MLXIPL: variants seen among roughly 807,000 people sequenced by gnomAD.
The protein encoded by MLXIPL is carbohydrate-responsive element-binding protein.
A neutral mutation model predicts 81.5 loss-of-function variants in MLXIPL; 49 were observed. That is an observed-to-expected ratio of 0.60 (90% CI 0.48 to 0.76). MLXIPL has a LOEUF of 0.76. Among genes scored for constraint, MLXIPL ranks in the 30% least tolerant of loss-of-function variants. The pLI, the probability that MLXIPL is intolerant of heterozygous loss-of-function variation, is 0.00. For missense variants in MLXIPL, 1,053 were observed against 1,167.0 expected (o/e 0.90, Z 1.42); for synonymous variants, 466 against 485.5 (o/e 0.96, Z 0.53).
the MLXIPL span, among the ~76,000 whole-genome samples, chr7:73,643,885 G>A: frequency 3.9e-5 from 6 of 152,030 alleles, no homozygotes; most frequent in South Asian, 2.1e-4. Context: ...TCCCGCCTCA[G>A]CCTCCCAAGT....
At position 73,597,296 on chromosome 7, in the gene MLXIPL, C is replaced by A; in HGVS notation, c.1489G>T (p.Ala497Ser). 1 of 1,472,450 alleles carries A rather than the reference C, an allele frequency of 6.8e-7. No individual in the cohort carries two copies. Among genetic ancestry groups the A allele is most frequent in the Non-Finnish European group, 9.1e-7 (1 of 1,102,374 alleles). 91.2% of individuals were successfully genotyped at this position (1,472,450 alleles called of 1,614,324 possible). Reference sequence around the variant, plus strand: ...GCTTTCTGTCCCCTAGGGGATGGGGCGGGGGGCTTGCCTCTGGGCATGGAG... The same window carrying A: ...GCTTTCTGTCCCCTAGGGGATGGGGAGGGGGGCTTGCCTCTGGGCATGGAG... ...CFSMPRGKPP[A>S]PSPRGQKASP... The change falls in exon 9 of 17, where the codon GCC (alanine) becomes TCC (serine). Residue 497 changes from alanine to serine, a missense_variant. Coordinates refer to ENST00000313375, the MANE Select transcript of MLXIPL (RefSeq NM_032951.3).
chr7:73,601,002 C>T (rs527832189), intron 7 of MLXIPL, among the ~76,000 whole-genome samples: 9 of 151,984 alleles, frequency 5.9e-5, no homozygotes, highest in Admixed American at 2.0e-4. Context: ...TGGGCAGTTC[C>T]GACCCCACCG....
the MLXIPL span, among the ~76,000 whole-genome samples, chr7:73,641,484 T>G: frequency 6.6e-6 from 1 of 152,084 alleles, no homozygotes; most frequent in Non-Finnish European, 1.5e-5. Flanking sequence ...GGAGGTGGTG[T>G]TTCACCAAGA....
rs180767424 is a variant in MLXIPL at position 73,611,864 on chromosome 7, T to A, written c.401-4192A>T. ...AAGCATTCTCCAAAATGGACACTGA[T>A]AGGATTGAAGGAGGGGTTTTGTCCT... On this transcript the variant is annotated intron_variant, in intron 2 of 16. Transcript: ENST00000313375. 1.4e-3 allele frequency among the ~76,000 whole-genome samples: 213 copies of A among 151,120 alleles called. 3 individuals carry two copies. The highest frequency in any genetic ancestry group is 2.6e-3 in the Admixed American group (39 of 15,156).
At position 73,593,854 on chromosome 7, in the gene MLXIPL, T is replaced by G; in HGVS notation, c.*11A>C. 6.2e-7 allele frequency: 1 copy of G among 1,607,998 alleles called. No individual in the cohort carries two copies. Among genetic ancestry groups the G allele is most frequent in the South Asian group, 1.1e-5 (1 of 90,942 alleles). ...CAGGGCAGCTGAGTGAGCAGCAGGG[T>G]CTGGCCAGGACTATAAAGGTTTGCC... On this transcript the variant is annotated 3_prime_UTR_variant, in exon 17 of 17. Coordinates refer to ENST00000313375, the MANE Select transcript of MLXIPL (RefSeq NM_032951.3).
chr7:73,607,633 G>A lies in MLXIPL; in HGVS notation c.440C>T (p.Thr147Ile), dbSNP rs1554598742. The change falls in exon 3 of 17, where the codon ACC becomes ATC. Residue 147 changes from threonine to isoleucine, a missense_variant. This residue lies in a region of MLXIPL where 226 missense variants were observed against 216.2 expected (regional missense o/e 1.05). Transcript: ENST00000313375. ...RRKSPVCGFVTPLQGPEADAH... is the reference protein window; with the variant it reads ...RRKSPVCGFVIPLQGPEADAH... ...ATCAGCCTCAGGCCCCTGCAGGGGG[G>A]TCACGAAGCCACACACGGGGCTCTT... 4 of 1,613,360 alleles carry A rather than the reference G, an allele frequency of 2.5e-6. No homozygotes were observed. Among genetic ancestry groups the A allele is most frequent in the Admixed American group, 1.7e-5 (1 of 59,994 alleles).
chr7:73,597,426 T>C lies in MLXIPL; in HGVS notation c.1359A>G (p.Ala453=), dbSNP rs1411850810. Residue 453 remains alanine (A), a synonymous_variant, in exon 9 of 17, where the codon GCA becomes GCG. Transcript: ENST00000313375. ...APGVSPLPAP[A]AFPPTPQSVP... Reference sequence around the variant, plus strand: ...CAGACTGTGGGGTGGGTGGGAAGGCTGCAGGAGCAGGCAGCGGAGACACTC... The same window carrying C: ...CAGACTGTGGGGTGGGTGGGAAGGCCGCAGGAGCAGGCAGCGGAGACACTC... The C allele has an allele frequency of 2.8e-6, 4 of 1,425,346 alleles. No homozygotes were observed. The African/African-American group carries it at 5.9e-5, about 21-fold the overall frequency. 88.3% of individuals were successfully genotyped at this position (1,425,346 alleles called of 1,614,324 possible).
intron 1 of MLXIPL, among the ~76,000 whole-genome samples, chr7:73,621,606 C>T (rs1280912617): frequency 1.3e-5 from 2 of 151,996 alleles, no homozygotes; most frequent in African/African-American, 4.8e-5. Context: ...GTTCAAGCCT[C>T]AGGGCTTTTC....
chr7:73,644,655 C>T, the MLXIPL span, among the ~76,000 whole-genome samples: 37 of 152,314 alleles, frequency 2.4e-4, no homozygotes, highest in African/African-American at 8.4e-4. Context: ...CCCCCCAGCC[C>T]GCCCTTTCTT....
the MLXIPL span, among the ~76,000 whole-genome samples, chr7:73,635,654 CT>C: frequency 2.0e-5 from 3 of 151,800 alleles, no homozygotes; most frequent in South Asian, 6.3e-4. Context: ...ATCAATCCAT[CT>C]CTTCTATCTA....
upstream of MLXIPL, among the ~76,000 whole-genome samples, chr7:73,629,205 G>T (rs536519828): frequency 1.3e-5 from 2 of 152,114 alleles, no homozygotes; most frequent in South Asian, 4.2e-4. Flanking sequence ...ACCACGCCTG[G>T]CTAATTTTTG....
rs1794640810 is a variant in MLXIPL, at chr7:73,599,799, T to C, written c.902-104A>G. On this transcript the variant is annotated intron_variant, in intron 7 of 16. Transcript: ENST00000313375. ...TCCCCAGCCTTGGCGGGTGGGGACA[T>C]GGGGACTGGCGGGCAGAGGGTGGGG... The C allele has an allele frequency of 5.1e-6, 6 of 1,165,898 alleles. No individual in the cohort carries two copies. The East Asian group carries it at 1.4e-4, about 28-fold the overall frequency. The allele number at this position is 1,165,898 out of a possible 1,614,324, so 72.2% of individuals were successfully genotyped here. A position where few individuals can be genotyped will look rare whatever the true frequency, so the allele number is the denominator to read the frequency against.
Position 73,624,294 on chromosome 7 carries a change from C to T in MLXIPL, c.199G>A (p.Asp67Asn), listed in dbSNP as rs1275849082. Residue 67 changes from aspartate (D) to asparagine (N), a missense_variant, in exon 1 of 17, where the codon GAC becomes AAC. Around this residue, in one of 3 missense-constraint regions of MLXIPL, gnomAD observed 226 missense variants for 216.2 expected, o/e 1.05. Transcript: ENST00000313375. ...PHSDSLPRRR[D>N]QEGSVGPSDF... ...GAGGGCCCCACGGACCCCTCCTGGT[C>T]GCGCCGCCGGGGCAGCGAGTCGCTG... The T allele has an allele frequency of 1.3e-6, 2 of 1,586,276 alleles. No homozygotes were observed. The highest frequency in any genetic ancestry group is 1.7e-6 in the Non-Finnish European group (2 of 1,168,142).
Position 73,595,508 on chromosome 7 carries a change from G to C in MLXIPL, c.2310+129C>G. The C allele has an allele frequency of 2.5e-6, 4 of 1,597,934 alleles. No individual in the cohort carries two copies. The Admixed American group carries it at 5.1e-5, about 20-fold the overall frequency. ...GGCATGGAAGCAGGGGGCAGAGCCAGAGCCTGTCACCTGGGAGCAGCTCTG... is the reference window on the plus strand; with the variant it reads ...GGCATGGAAGCAGGGGGCAGAGCCACAGCCTGTCACCTGGGAGCAGCTCTG... On this transcript the variant is annotated intron_variant, in intron 15 of 16. Coordinates refer to ENST00000313375, the MANE Select transcript of MLXIPL (RefSeq NM_032951.3).
At chr7:73,614,935 C>T (rs958655518) in intron 2 of MLXIPL, among the ~76,000 whole-genome samples, 2 of 151,756 alleles carry the variant, frequency 1.3e-5, no homozygotes, top group African/African-American at 4.8e-5. Context: ...CTCAGCCTGC[C>T]GAGTAGCTGG....
chr7:73,606,157 C>T (rs1584110686), intron 5 of MLXIPL, 46 bp from the exon 6 acceptor site: 1 of 1,538,338 alleles, frequency 6.5e-7, no homozygotes. Context: ...CTCCCACTGC[C>T]CCGATCTTCC....
chr7:73,625,037 A>G (rs1390435029), upstream of MLXIPL, among the ~76,000 whole-genome samples: 1 of 152,086 alleles, frequency 6.6e-6, no homozygotes, highest in Non-Finnish European at 1.5e-5. Context: ...TACAAAAATT[A>G]TCCAGGCATG....
upstream of MLXIPL, among the ~76,000 whole-genome samples, chr7:73,625,323 C>T (rs989083445): frequency 6.6e-6 from 1 of 152,200 alleles, no homozygotes; most frequent in Non-Finnish European, 1.5e-5. Flanking sequence ...CTCCAACCCC[C>T]GCCCCCCATA....
chr7:73,633,400 A>G, the MLXIPL span, among the ~76,000 whole-genome samples: 1 of 149,546 alleles, frequency 6.7e-6, no homozygotes, highest in Non-Finnish European at 1.5e-5. Context: ...GCTGGGGTAC[A>G]GTGGCCAGAT....
Sources: allele counts gnomAD v4.1 joint callset (sites outside exome capture counted in the v4.1 genomes callset), GRCh38; gene constraint gnomAD v4.1.1; regional missense constraint gnomAD v4.1.1; transcripts MANE v1.5; gene names NCBI Gene and HGNC (gene_info 2026-07-23, HGNC 2026-07-21).